FMN2: variants seen among roughly 807,000 people sequenced by gnomAD.
FMN2 encodes the protein formin 2.
A neutral mutation model predicts 142.3 loss-of-function variants in FMN2; 51 were observed. The ratio of observed to expected loss-of-function variants is 0.36; its 90% CI spans 0.29 to 0.45. FMN2 has a LOEUF of 0.45. FMN2 is among the 20% of genes least tolerant of loss of function. FMN2 has a pLI of 1.00. For synonymous variants in FMN2, 882 were observed against 869.8 expected (o/e 1.01, Z -0.25); for missense variants, 1,936 against 2,122.8 (o/e 0.91, Z 1.73).
At chr1:240,470,005 TA>T (rs1277589106) in intron 16 of FMN2, among the ~76,000 whole-genome samples, 1 of 152,174 alleles carries the variant, frequency 6.6e-6, no homozygotes, top group Non-Finnish European at 1.5e-5. Context: ...TGTGTAAAAT[TA>T]AAAATGTTTG....
At chr1:240,196,143 A>T (rs1665901934) in intron 4 of FMN2, among the ~76,000 whole-genome samples, 2 of 152,242 alleles carry the variant, frequency 1.3e-5, no homozygotes, top group Admixed American at 1.3e-4. Context: ...AAAACGTTTT[A>T]TGCTCAGTAG....
Position 240,451,450 on chromosome 1 carries a change from G to A in FMN2, c.5060+13240G>A, listed in dbSNP as rs116266706. Among the ~76,000 whole-genome samples the A allele has an allele frequency of 4.3e-3, 654 of 152,092 alleles. 9 individuals are homozygous for A. The highest frequency in any genetic ancestry group is 0.015 in the African/African-American group (625 of 41,450). On this transcript the variant is annotated intron_variant, in intron 16 of 17. Coordinates refer to ENST00000319653, the MANE Select transcript of FMN2 (RefSeq NM_020066.5). The stretch of plus-strand genomic sequence containing the variant: ...TTGCTGTGAGCAGAATAGAACCAGC[G>A]TCATTAGGTCAGTACCAACTCTTTT...
intron 15 of FMN2, among the ~76,000 whole-genome samples, chr1:240,427,013 C>T (rs1386993465): frequency 1.3e-5 from 2 of 151,348 alleles, no homozygotes; most frequent in African/African-American, 4.9e-5. Context: ...TGCTTGGGAT[C>T]GCAAGCGTGA....
At chr1:240,240,855 C>A (rs1249851021) in intron 6 of FMN2, among the ~76,000 whole-genome samples, 1 of 152,100 alleles carries the variant, frequency 6.6e-6, no homozygotes, top group Non-Finnish European at 1.5e-5. Context: ...TTTGAAATAG[C>A]AAAGGTCCAA....
intron 7 of FMN2, among the ~76,000 whole-genome samples, chr1:240,272,660 A>G (rs1184238997): frequency 6.6e-6 from 1 of 152,126 alleles, no homozygotes; most frequent in Non-Finnish European, 1.5e-5. Flanking sequence ...CATGTGTCCT[A>G]TTCTTGTGAG....
intron 2 of FMN2, among the ~76,000 whole-genome samples, chr1:240,131,102 G>C (rs956550032): frequency 1.3e-5 from 2 of 152,148 alleles, no homozygotes; most frequent in African/African-American, 2.4e-5. Context: ...TGCAAGCTTA[G>C]GTAAATGGCT....
intron 8 of FMN2, among the ~76,000 whole-genome samples, chr1:240,302,104 TTCTTTCTTTTGC>T (rs1488712955): frequency 6.6e-6 from 1 of 152,084 alleles, no homozygotes; most frequent in African/African-American, 2.4e-5. Flanking sequence ...CTTTCACTGA[TTCTTTCTTTTGC>T]TGTCTTTATT....
chr1:240,207,169 C>T lies in FMN2; in HGVS notation c.2357C>T (p.Ser786Phe). The change falls in exon 5 of 18, where the codon TCT (serine) becomes TTT (phenylalanine). Residue 786 changes from serine (S) to phenylalanine (F), a missense_variant. Ser to Phe is a radical substitution (Grantham distance 155). Coordinates refer to ENST00000319653, the MANE Select transcript of FMN2 (RefSeq NM_020066.5). ...CAGACAAAGTTCTGTTCAGAGATTT[C>T]TTTGATTGTGTCTCCAAGGCGAATA... The part of the protein sequence containing the change: ...GPQTKFCSEI[S>F]LIVSPRRISV... 2 of 1,614,024 alleles carry T rather than the reference C, an allele frequency of 1.2e-6. No individual in the cohort carries two copies. The highest frequency in any genetic ancestry group is 1.7e-6 in the Non-Finnish European group (2 of 1,179,970).
intron 14 of FMN2, among the ~76,000 whole-genome samples, chr1:240,365,554 A>G (rs977428384): frequency 1.8e-4 from 28 of 152,174 alleles, no homozygotes; most frequent in African/African-American, 6.8e-4. Context: ...AAAACATTTT[A>G]TTATTCATAC....
At chr1:240,154,541 G>A (rs1663931455) in intron 2 of FMN2, 1 of 152,168 alleles carries the variant, frequency 6.6e-6, no homozygotes, top group African/African-American at 2.4e-5. Context: ...GATGGGCGGA[G>A]ACAGGGATGG....
rs535364577 is a variant in FMN2, at chr1:240,221,908, C to T, written c.4065+10673C>T. 3.6e-4 allele frequency among the ~76,000 whole-genome samples: 52 copies of T among 146,236 alleles called. No individual in the cohort carries two copies. The South Asian group carries it at 5.7e-3, about 16-fold the overall frequency. On this transcript the variant is annotated intron_variant, in intron 6 of 17. Coordinates refer to ENST00000319653, the MANE Select transcript of FMN2 (RefSeq NM_020066.5). ...TGTCACCCAGGTTGGAGTGCAGTGG[C>T]GCAATCTCAGCTCACTACAAGCTCT...
chr1:240,216,872 C>T (rs1666920043), intron 6 of FMN2, among the ~76,000 whole-genome samples: 1 of 151,950 alleles, frequency 6.6e-6, no homozygotes, highest in Admixed American at 6.6e-5. Flanking sequence ...TTGCTTGAAC[C>T]CGGGAGGCGG....
intron 2 of FMN2, 180 bp from the exon 3 acceptor site, chr1:240,177,741 G>GGA (rs1664978264): frequency 2.3e-6 from 1 of 441,356 alleles, no homozygotes; most frequent in Non-Finnish European, 3.7e-6. Context: ...ATGACTGCGT[G>GGA]AAAAAAATGT....
At position 240,143,752 on chromosome 1, in the gene FMN2, G is replaced by A. The variant is rs147987505; in HGVS notation, c.1782+20407G>A. 3.2e-4 allele frequency: 485 copies of A among 1,521,304 alleles called. 4 individuals carry two copies. The East Asian group carries it at 0.011, about 33-fold the overall frequency. 94.2% of individuals were successfully genotyped at this position (1,521,304 alleles called of 1,614,324 possible). A position where few individuals can be genotyped will look rare whatever the true frequency, so the allele number is the denominator to read the frequency against. ...GTCCTTGAGCTCAGTACTTCTCCCTGATGGTCTGAAGGATAGTGGAAGTTA... is the reference window on the plus strand; with the variant it reads ...GTCCTTGAGCTCAGTACTTCTCCCTAATGGTCTGAAGGATAGTGGAAGTTA... On this transcript the variant is annotated intron_variant, in intron 2 of 17. Transcript: ENST00000319653.
intron 13 of FMN2, among the ~76,000 whole-genome samples, chr1:240,338,648 A>G (rs1026918101): frequency 5.3e-5 from 8 of 152,124 alleles, no homozygotes; most frequent in Non-Finnish European, 1.0e-4. Context: ...TTCATGCTGT[A>G]TATACTGCCC....
intron 1 of FMN2, among the ~76,000 whole-genome samples, chr1:240,121,524 G>C (rs1377854740): frequency 2.0e-5 from 3 of 150,920 alleles, no homozygotes; most frequent in East Asian, 2.0e-4. Flanking sequence ...TACAGGCGCT[G>C]GCCACCAAGC....
intron 2 of FMN2, chr1:240,145,491 T>G (rs974566057): frequency 3.3e-4 from 89 of 267,222 alleles, no homozygotes; most frequent in Admixed American, 1.2e-3. Context: ...GCACTTAATG[T>G]TTTTACTACA....
intron 2 of FMN2, among the ~76,000 whole-genome samples, chr1:240,159,038 C>G (rs1003807925): frequency 2.0e-5 from 3 of 152,088 alleles, no homozygotes; most frequent in African/African-American, 7.2e-5. Context: ...AACCTGACTG[C>G]TTTGTTTCCC....
At chr1:240,386,365 A>G (rs187469302) in intron 14 of FMN2, among the ~76,000 whole-genome samples, 1 of 152,338 alleles carries the variant, frequency 6.6e-6, no homozygotes, top group East Asian at 1.9e-4. Context: ...TTTAAATAAA[A>G]AGGAAAAATA....
Sources: allele counts gnomAD v4.1 joint callset (sites outside exome capture counted in the v4.1 genomes callset), GRCh38; gene constraint gnomAD v4.1.1; transcripts MANE v1.5; gene names NCBI Gene and HGNC (gene_info 2026-07-23, HGNC 2026-07-21).